Variants in BCKDHB observed in about 807,000 individuals in gnomAD.
BCKDHB encodes the protein branched chain keto acid dehydrogenase E1 subunit beta.
In BCKDHB, 41 loss-of-function variants were observed where a neutral mutation model predicts 48.5. The ratio of observed to expected loss-of-function variants is 0.85; its 90% CI spans 0.66 to 1.10. The LOEUF (loss-of-function observed/expected upper bound fraction) is 1.10, where lower values mean the gene tolerates loss of function less well. BCKDHB is among the 50% of genes least tolerant of loss of function. The pLI is 0.00. For missense variants in BCKDHB, 496 were observed against 494.2 expected, an observed-to-expected ratio of 1.00 and a Z score of -0.03; for synonymous variants, 201 against 174.8, an observed-to-expected ratio of 1.15 and a Z score of -1.18.
At chr6:80,313,912 A>G (rs886515487) in intron 9 of BCKDHB, among the ~76,000 whole-genome samples, 8 of 152,160 alleles carry the variant, frequency 5.3e-5, no homozygotes, top group Admixed American at 2.0e-4. Context: ...ATTTAGTGCT[A>G]TAAATTTCCT....
chr6:80,421,656 T>C, the BCKDHB span, among the ~76,000 whole-genome samples: 1 of 152,200 alleles, frequency 6.6e-6, no homozygotes, highest in Admixed American at 6.5e-5. Flanking sequence ...CAAATGTTAC[T>C]CTTACCATGC....
intron 8 of BCKDHB, among the ~76,000 whole-genome samples, chr6:80,236,030 GC>G (rs1442878876): frequency 2.6e-5 from 4 of 152,276 alleles, no homozygotes; most frequent in Middle Eastern, 3.4e-3. Context: ...TGCTTTTGCA[GC>G]CTTTTAAGTT....
At chr6:80,307,739 T>C in intron 9 of BCKDHB, 1 of 981,272 alleles carries the variant, frequency 1.0e-6, no homozygotes, top group Non-Finnish European at 1.2e-6. Context: ...GACCATATTG[T>C]CAGATTTATT....
At chr6:80,394,044 T>C in the BCKDHB span, among the ~76,000 whole-genome samples, 2 of 152,182 alleles carry the variant, frequency 1.3e-5, no homozygotes, top group South Asian at 4.1e-4. Context: ...ACTTATAGAA[T>C]CCAGTGTTAT....
At chr6:80,351,593 A>G in the BCKDHB span, among the ~76,000 whole-genome samples, 1 of 151,706 alleles carries the variant, frequency 6.6e-6, no homozygotes. Context: ...TGGGCCAATC[A>G]GAGCCCTTCT....
the BCKDHB span, among the ~76,000 whole-genome samples, chr6:80,383,216 C>T: frequency 6.6e-6 from 1 of 152,128 alleles, no homozygotes; most frequent in Non-Finnish European, 1.5e-5. Context: ...ATGTGGTCAA[C>T]TATTTCCCAT....
intron 9 of BCKDHB, among the ~76,000 whole-genome samples, chr6:80,305,718 T>C (rs1417283313): frequency 6.6e-6 from 1 of 152,182 alleles, no homozygotes; most frequent in Non-Finnish European, 1.5e-5. Context: ...CACTTGTCTC[T>C]GTCCCTTAAG....
chr6:80,167,613 A>G, intron 3 of BCKDHB, 65 bp from the exon 4 acceptor site: 1 of 1,464,292 alleles, frequency 6.8e-7, no homozygotes, highest in Non-Finnish European at 9.5e-7. Context: ...CTGAATTTTT[A>G]AATGTATTAT....
At chr6:80,411,068 C>A in the BCKDHB span, among the ~76,000 whole-genome samples, 3 of 152,176 alleles carry the variant, frequency 2.0e-5, no homozygotes, top group South Asian at 4.1e-4. Flanking sequence ...ATGGTTTCTT[C>A]CCATCTTTGT....
intron 9 of BCKDHB, among the ~76,000 whole-genome samples, chr6:80,277,904 C>A (rs1243472081): frequency 6.6e-6 from 1 of 151,972 alleles, no homozygotes; most frequent in Non-Finnish European, 1.5e-5. Flanking sequence ...TAATAACTTT[C>A]AAGTTAAAGG....
chr6:80,380,861 T>C, the BCKDHB span, among the ~76,000 whole-genome samples: 1 of 152,026 alleles, frequency 6.6e-6, no homozygotes, highest in Non-Finnish European at 1.5e-5. Context: ...GTTGCAAGAA[T>C]ATAGAAACAC....
chr6:80,289,036 G>A (rs942948602), intron 9 of BCKDHB, among the ~76,000 whole-genome samples: 18 of 152,084 alleles, frequency 1.2e-4, no homozygotes, highest in African/African-American at 4.3e-4. Flanking sequence ...TAAACACAGA[G>A]CTGTTTTCTC....
intron 2 of BCKDHB, among the ~76,000 whole-genome samples, chr6:80,128,681 C>G (rs1770466385): frequency 6.6e-6 from 1 of 152,096 alleles, no homozygotes; most frequent in Non-Finnish European, 1.5e-5. Flanking sequence ...GAGCATGAGT[C>G]ATAGTTCTGC....
chr6:80,344,064 A>C lies in BCKDHB; in HGVS notation c.*260A>C, dbSNP rs950938707. 4 of 462,412 alleles carry C rather than the reference A, an allele frequency of 8.7e-6. No homozygotes were observed. Among genetic ancestry groups the C allele is most frequent in the African/African-American group, 2.0e-5 (1 of 50,546 alleles). 28.6% of individuals were successfully genotyped at this position (462,412 alleles called of 1,614,324 possible). On this transcript the variant is annotated 3_prime_UTR_variant, in exon 10 of 10. Transcript: ENST00000320393. ...CGCCCAGGCTAGACTGCAGTGGTGC[A>C]ATCTCAGCTCACTGCAACCTCCCCC...
chr6:80,278,172 C>G (rs886560683), intron 9 of BCKDHB, among the ~76,000 whole-genome samples: 1 of 152,112 alleles, frequency 6.6e-6, no homozygotes, highest in African/African-American at 2.4e-5. Flanking sequence ...ATTTTATAAT[C>G]TCAGTTAACA....
intron 8 of BCKDHB, among the ~76,000 whole-genome samples, chr6:80,230,026 GTTTTTTTTTTTTTTTT>G (rs551632775): frequency 1.6e-4 from 10 of 60,662 alleles, no homozygotes; most frequent in African/African-American, 5.5e-4. Flanking sequence ...TTTTTAGGTT[GTTTTTTTTTTTTTTTT>G]TTTTTTTTTT....
At chr6:80,326,513 A>G (rs1196385232) in intron 9 of BCKDHB, among the ~76,000 whole-genome samples, 1 of 152,190 alleles carries the variant, frequency 6.6e-6, no homozygotes, top group Non-Finnish European at 1.5e-5. Context: ...GGATTTCACT[A>G]AAATTAACAC....
At chr6:80,351,385 T>G in the BCKDHB span, among the ~76,000 whole-genome samples, 61 of 152,262 alleles carry the variant, frequency 4.0e-4, no homozygotes, top group Middle Eastern at 6.8e-3. Context: ...GAGGGCAACT[T>G]TTCTTCATTT....
chr6:80,210,470 G>T (rs199903561), intron 8 of BCKDHB, among the ~76,000 whole-genome samples: 2 of 152,080 alleles, frequency 1.3e-5, no homozygotes, highest in South Asian at 2.1e-4. Context: ...GCTATGAGTT[G>T]CTGGTAACAG....
Sources: allele counts gnomAD v4.1 joint callset (sites outside exome capture counted in the v4.1 genomes callset), GRCh38; gene constraint gnomAD v4.1.1; transcripts MANE v1.5; gene names NCBI Gene and HGNC (gene_info 2026-07-23, HGNC 2026-07-21).